TMEM273: variants seen among roughly 807,000 people sequenced by gnomAD.
TMEM273 encodes chromosome 10 open reading frame 128.
Under a neutral mutation model 17.9 loss-of-function variants are expected in TMEM273, and 19 were observed. That is an observed-to-expected ratio of 1.06 (90% CI 0.74 to 1.55). TMEM273 has a LOEUF of 1.55. Among genes scored for constraint, TMEM273 ranks in the 40% most tolerant of loss-of-function variants. The pLI, the probability that TMEM273 is intolerant of heterozygous loss-of-function variation, is 0.00. For missense variants in TMEM273, 194 were observed against 155.6 expected (o/e 1.25, Z -1.31); for synonymous variants, 66 against 62.0 (o/e 1.07, Z -0.31).
intron 1 of TMEM273, among the ~76,000 whole-genome samples, chr10:49,168,462 G>A (rs2132165086): frequency 6.6e-6 from 1 of 152,152 alleles, no homozygotes; most frequent in Non-Finnish European, 1.5e-5. Context: ...GTGCTTGCCG[G>A]CCATAACTGA....
chr10:49,166,779 G>A, intron 3 of TMEM273, 90 bp downstream of exon 3: 1 of 1,572,818 alleles, frequency 6.4e-7, no homozygotes, highest in East Asian at 2.2e-5. Flanking sequence ...TGCGCTTGTG[G>A]GTTCATTCTT....
At chr10:49,163,315 G>GAA (rs1288056199) in intron 5 of TMEM273, among the ~76,000 whole-genome samples, 1 of 151,978 alleles carries the variant, frequency 6.6e-6, no homozygotes, top group Non-Finnish European at 1.5e-5. Flanking sequence ...GTGAGAGAGA[G>GAA]AGAGAGAGAG....
At chr10:49,171,554 C>T (rs1293925538) in intron 1 of TMEM273, among the ~76,000 whole-genome samples, 1 of 152,236 alleles carries the variant, frequency 6.6e-6, no homozygotes, top group Admixed American at 6.5e-5. Flanking sequence ...GGACCTGGTA[C>T]TCTGTGCCTC....
chr10:49,177,564 G>T (rs1249317552), intron 1 of TMEM273, among the ~76,000 whole-genome samples: 24 of 152,250 alleles, frequency 1.6e-4, no homozygotes, highest in Non-Finnish European at 7.3e-5. Context: ...AAAGCCCCAG[G>T]AAGTGACGTG....
At chr10:49,167,871 CT>C (rs1412917259) in intron 2 of TMEM273, 37 bp downstream of exon 2, 2 of 1,612,338 alleles carry the variant, frequency 1.2e-6, no homozygotes, top group African/African-American at 1.3e-5. Context: ...CTTCCTGCCC[CT>C]GACCCTGTGC....
rs149311553 is a variant in TMEM273 at position 49,172,444 on chromosome 10, C to A, written c.44-4482G>T. 1.1e-3 allele frequency among the ~76,000 whole-genome samples: 172 copies of A among 152,286 alleles called. 2 individuals are homozygous for A. Among genetic ancestry groups the A allele is most frequent in the Non-Finnish European group, 1.2e-3 (85 of 68,026 alleles). On this transcript the variant is annotated intron_variant, in intron 1 of 6. Coordinates refer to ENST00000374153, the MANE Select transcript of TMEM273 (RefSeq NM_001288740.3). ...AGAGTGGGCACTGGTGCATGGCCTG[C>A]CTTCCTCTCCTGACTAGCACCTCAG...
chr10:49,178,257 G>A (rs1324570916), intron 1 of TMEM273: 4 of 457,374 alleles, frequency 8.7e-6, no homozygotes, highest in Middle Eastern at 6.5e-4. Flanking sequence ...AGCAGAGGCT[G>A]TCCTCTCTTC....
intron 1 of TMEM273, among the ~76,000 whole-genome samples, chr10:49,171,138 G>A (rs186742676): frequency 1.6e-4 from 24 of 152,380 alleles, no homozygotes; most frequent in Admixed American, 4.6e-4. Context: ...CCACAGGAGA[G>A]TCCTAGGGGA....
chr10:49,186,097 A>G (rs12411397), intron 1 of TMEM273, among the ~76,000 whole-genome samples: 3,541 of 117,084 alleles, frequency 0.03, 101 homozygotes, highest in Non-Finnish European at 0.045. Flanking sequence ...GAAGAAGAAG[A>G]AGAAGAAGAA....
intron 1 of TMEM273, among the ~76,000 whole-genome samples, chr10:49,172,093 G>A (rs1390167263): frequency 6.6e-6 from 1 of 152,194 alleles, no homozygotes; most frequent in East Asian, 1.9e-4. Context: ...GGACTTAAAT[G>A]TTGCAGAATG....
chr10:49,177,159 C>G (rs892110777), intron 1 of TMEM273, among the ~76,000 whole-genome samples: 1 of 152,204 alleles, frequency 6.6e-6, no homozygotes, highest in African/African-American at 2.4e-5. Flanking sequence ...GACTCACCAG[C>G]GAGTTCCCTT....
chr10:49,175,712 G>C (rs564381929), intron 1 of TMEM273, among the ~76,000 whole-genome samples: 13 of 151,940 alleles, frequency 8.6e-5, no homozygotes, highest in African/African-American at 2.7e-4. Flanking sequence ...AGGGGGCAGG[G>C]CCCCCCCCAC....
At chr10:49,179,424 G>T (rs1021136180) in intron 1 of TMEM273, among the ~76,000 whole-genome samples, 3 of 152,114 alleles carry the variant, frequency 2.0e-5, no homozygotes, top group African/African-American at 7.2e-5. Flanking sequence ...CCCTTCAGGG[G>T]CCTCTAGAAT....
chr10:49,166,450 T>C (rs1745904087), intron 3 of TMEM273: 1 of 256,118 alleles, frequency 3.9e-6, no homozygotes. Flanking sequence ...CCAACCTCGC[T>C]GCCTACTGGG....
chr10:49,160,819 C>A (rs1308887032), intron 6 of TMEM273: 5 of 152,046 alleles, frequency 3.3e-5, no homozygotes, highest in African/African-American at 9.7e-5. Context: ...CAGTGAGTGA[C>A]CCTAGGTGAA....
intron 3 of TMEM273, 99 bp from the exon 4 acceptor site, chr10:49,165,895 C>T: frequency 6.6e-7 from 1 of 1,517,674 alleles, no homozygotes; most frequent in Non-Finnish European, 9.1e-7. Flanking sequence ...TCCTCTCACT[C>T]ACGGTTGCCC....
At chr10:49,188,216 C>T in intron 1 of TMEM273, 78 bp downstream of exon 1, 3 of 1,506,624 alleles carry the variant, frequency 2.0e-6, no homozygotes, top group Non-Finnish European at 1.8e-6. Flanking sequence ...GGGATCAAGC[C>T]CCAGTGGGCT....
chr10:49,172,991 C>T (rs950187005), intron 1 of TMEM273, among the ~76,000 whole-genome samples: 2 of 152,210 alleles, frequency 1.3e-5, no homozygotes, highest in Admixed American at 6.5e-5. Context: ...GGCAGAAGAT[C>T]CAATTCAGAC....
intron 1 of TMEM273, among the ~76,000 whole-genome samples, chr10:49,179,111 T>A (rs1028601924): frequency 2.0e-5 from 3 of 152,192 alleles, no homozygotes; most frequent in Admixed American, 2.0e-4. Flanking sequence ...CCAGTCCATC[T>A]CACTAAGAAC....
Sources: gnomAD v4.1 joint callset for allele counts (sites outside exome capture counted in the v4.1 genomes callset) on GRCh38, gnomAD v4.1.1 for gene constraint, MANE v1.5 for transcripts, NCBI Gene and HGNC (gene_info 2026-07-23, HGNC 2026-07-21) for gene names.